Variants in ENTPD3 observed in about 807,000 individuals in gnomAD.
ENTPD3 encodes CD39 antigen-like 3.
In ENTPD3, 60 loss-of-function variants were observed where a neutral mutation model predicts 51.2. The ratio of observed to expected loss-of-function variants is 1.17; its 90% confidence interval spans 0.95 to 1.45. The LOEUF is 1.45. Ranked by LOEUF, ENTPD3 falls within the 40% of genes most tolerant of loss-of-function variation. The probability of loss-of-function intolerance (pLI) is 0.00; values close to 1 mark genes in which losing one functional copy is unlikely to be tolerated. For missense variants in ENTPD3, 593 were observed against 641.1 expected (o/e 0.93, Z 0.81); for synonymous variants, 221 against 238.4 (o/e 0.93, Z 0.67).
Position 40,427,272 on chromosome 3 carries a change from G to C in ENTPD3, c.1354G>C (p.Val452Leu). The C allele has an allele frequency of 6.2e-7, 1 of 1,613,422 alleles. No individual in the cohort carries two copies. The highest frequency in any genetic ancestry group is 1.1e-5 in the South Asian group (1 of 91,048). The part of the protein sequence containing the change: ...TWPQIHFEKE[V>L]GNSSIAWSLG... ...CTGAGCCATCTCCTCTACTCCACAG[G>C]TGGGGAATAGCAGCATAGCCTGGTC... The change falls in exon 11 of 11, where the codon GTG (valine) becomes CTG (leucine). Residue 452 changes from valine to leucine, a missense_variant and splice_region_variant. Coordinates refer to ENST00000301825, the MANE Select transcript of ENTPD3 (RefSeq NM_001248.4).
At chr3:40,421,131 C>T (rs1275459352) in intron 7 of ENTPD3, among the ~76,000 whole-genome samples, 1 of 150,150 alleles carries the variant, frequency 6.7e-6, no homozygotes, top group African/African-American at 2.5e-5. Flanking sequence ...TCAAGTGGTT[C>T]TCCTGCCTCA....
chr3:40,423,721 G>A, intron 9 of ENTPD3, 105 bp from the exon 10 acceptor site: 1 of 1,304,872 alleles, frequency 7.7e-7, no homozygotes, highest in South Asian at 1.4e-5. Context: ...TTTCTATTAT[G>A]AAATTATGGG....
chr3:40,407,913 C>G (rs1466941476), intron 4 of ENTPD3, among the ~76,000 whole-genome samples: 1 of 152,162 alleles, frequency 6.6e-6, no homozygotes, highest in Non-Finnish European at 1.5e-5. Context: ...AAAAACCTAG[C>G]ACACCTAGGA....
Position 40,397,119 on chromosome 3 carries a change from C to CTTTTTTTTTTTTTTTTTTTTTTTTT in ENTPD3, c.169-3755_169-3754insTTTTTTTTTTTTTTTTTTTTTTTTT, listed in dbSNP as rs3064608. ...AGAGTAAGAGTTGGATAATTAGTTT[C>CTTTTTTTTTTTTTTTTTTTTTTTTT]TTTTTTTTTTTTTTTTTTTTCAGAA... On this transcript the variant is annotated intron_variant, in intron 3 of 10. Coordinates refer to ENST00000301825, the MANE Select transcript of ENTPD3 (RefSeq NM_001248.4). Among the ~76,000 whole-genome samples, 2 of 101,244 alleles carry CTTTTTTTTTTTTTTTTTTTTTTTTT rather than the reference C, an allele frequency of 2.0e-5. 1 individual carries two copies. The allele number at this position is 101,244 out of a possible 152,430, so 66.4% of individuals were successfully genotyped here. A position where few individuals can be genotyped will look rare whatever the true frequency, so the allele number is the denominator to read the frequency against.
At position 40,423,002 on chromosome 3, in the gene ENTPD3, T is replaced by G. The variant is rs1408786098; in HGVS notation, c.984T>G (p.Thr328=). The change falls in exon 8 of 11, where the codon ACT becomes ACG. Residue 328 remains threonine, a synonymous_variant. Coordinates refer to ENST00000301825, the MANE Select transcript of ENTPD3 (RefSeq NM_001248.4). ...NPNDVITFEG[T]GDPSLCKEKV... ...ATGATGTCATCACTTTTGAAGGAAC[T>G]GGGGACCCATCTCTGTGTAAGGAGA... 1 of 1,614,120 alleles carries G rather than the reference T, an allele frequency of 6.2e-7. No individual in the cohort carries two copies. Among genetic ancestry groups the G allele is most frequent in the Non-Finnish European group, 8.5e-7 (1 of 1,179,988 alleles).
At chr3:40,412,456 C>T (rs759272161) in intron 5 of ENTPD3, among the ~76,000 whole-genome samples, 1 of 152,212 alleles carries the variant, frequency 6.6e-6, no homozygotes, top group Non-Finnish European at 1.5e-5. Context: ...ATTTCACTCA[C>T]TCAAATTAGT....
intron 3 of ENTPD3, among the ~76,000 whole-genome samples, chr3:40,396,177 A>T (rs943175410): frequency 1.3e-5 from 2 of 152,172 alleles, no homozygotes; most frequent in African/African-American, 4.8e-5. Flanking sequence ...CATTCTGCTT[A>T]ATTGGGTGGA....
intron 4 of ENTPD3, among the ~76,000 whole-genome samples, chr3:40,409,144 C>T (rs891564194): frequency 4.6e-5 from 7 of 151,730 alleles, no homozygotes; most frequent in Non-Finnish European, 8.8e-5. Flanking sequence ...CCCAGCTACT[C>T]GGGAGGCTGA....
chr3:40,420,656 G>A (rs559517080), intron 7 of ENTPD3, among the ~76,000 whole-genome samples: 1 of 151,942 alleles, frequency 6.6e-6, no homozygotes, highest in African/African-American at 2.4e-5. Context: ...AGGCAGAAAG[G>A]GGCCTGTTTG....
At chr3:40,417,611 T>A (rs368494142) in intron 7 of ENTPD3, among the ~76,000 whole-genome samples, 16 of 151,936 alleles carry the variant, frequency 1.1e-4, no homozygotes, top group African/African-American at 3.6e-4. Flanking sequence ...CTTCCATGGC[T>A]CCCATCCCAA....
intron 7 of ENTPD3, among the ~76,000 whole-genome samples, chr3:40,418,543 GACA>G (rs1955795305): frequency 2.0e-5 from 3 of 152,156 alleles, no homozygotes; most frequent in African/African-American, 7.2e-5. Context: ...GTCTCACTCT[GACA>G]ACATGTTAGA....
chr3:40,399,187 A>G (rs1472394231), intron 3 of ENTPD3, among the ~76,000 whole-genome samples: 1 of 152,198 alleles, frequency 6.6e-6, no homozygotes, highest in East Asian at 1.9e-4. Flanking sequence ...GCACCACTGC[A>G]TATATACAAT....
intron 3 of ENTPD3, among the ~76,000 whole-genome samples, chr3:40,397,971 C>A (rs978804231): frequency 6.6e-6 from 1 of 152,164 alleles, no homozygotes; most frequent in Admixed American, 6.5e-5. Flanking sequence ...CCCCTCTCCC[C>A]CAAAAGAATC....
rs188054599 is a variant in ENTPD3 at position 40,401,170 on chromosome 3, C to T, written c.286+159C>T. On this transcript the variant is annotated intron_variant, in intron 4 of 10. Coordinates refer to ENST00000301825, the MANE Select transcript of ENTPD3 (RefSeq NM_001248.4). ...GAGATCGTGTGCTAGTGCTGCTACT[C>T]ATCAGTGGAATAAACTTGCTCTAGT... 2.2e-3 allele frequency among the ~76,000 whole-genome samples: 342 copies of T among 152,264 alleles called. 2 individuals carry two copies. The highest frequency in any genetic ancestry group is 2.9e-3 in the Non-Finnish European group (194 of 68,022).
chr3:40,413,762 AATG>A (rs1316669035), intron 5 of ENTPD3, among the ~76,000 whole-genome samples: 1 of 152,234 alleles, frequency 6.6e-6, no homozygotes, highest in African/African-American at 2.4e-5. Context: ...ACTGTTTTCT[AATG>A]ATGATCTATT....
chr3:40,409,923 T>C (rs1955590463), intron 4 of ENTPD3, among the ~76,000 whole-genome samples: 2 of 152,166 alleles, frequency 1.3e-5, no homozygotes, highest in Admixed American at 1.3e-4. Context: ...TTACCATTTA[T>C]CTAAAAGTTG....
intron 7 of ENTPD3, among the ~76,000 whole-genome samples, chr3:40,421,906 T>C (rs1955881517): frequency 6.6e-6 from 1 of 152,206 alleles, no homozygotes; most frequent in Admixed American, 6.5e-5. Flanking sequence ...GAAAAAGGCC[T>C]GATGGCTGCA....
intron 2 of ENTPD3, among the ~76,000 whole-genome samples, chr3:40,388,573 CACACACACACA>C (rs1954990713): frequency 8.1e-5 from 9 of 111,558 alleles, no homozygotes; most frequent in Middle Eastern, 4.1e-3. Flanking sequence ...CACTGGAAGG[CACACACACACA>C]GACACACACA....
chr3:40,416,124 C>T, intron 7 of ENTPD3, 51 bp downstream of exon 7: 1 of 1,366,980 alleles, frequency 7.3e-7, no homozygotes, highest in Non-Finnish European at 1.0e-6. Context: ...AGGGTTTGAG[C>T]TGAGGGGAGA....
Sources: gnomAD v4.1 joint callset for allele counts (sites outside exome capture counted in the v4.1 genomes callset) on GRCh38, gnomAD v4.1.1 for gene constraint, MANE v1.5 for transcripts, NCBI Gene and HGNC (gene_info 2026-07-23, HGNC 2026-07-21) for gene names.